Variants in LGSN observed in about 807,000 individuals in gnomAD.
LGSN encodes the protein lengsin.
A neutral mutation model predicts 19.5 loss-of-function variants in LGSN; 21 were observed. The observed-to-expected ratio is 1.07, with a 90% CI of 0.76 to 1.55. LGSN has a LOEUF of 1.55. Ranked by LOEUF, LGSN falls within the 40% of genes most tolerant of loss-of-function variation. The pLI is 0.00. For synonymous variants in LGSN, 257 were observed against 215.6 expected, an observed-to-expected ratio of 1.19 and a Z score of -1.68; for missense variants, 673 against 608.5, an observed-to-expected ratio of 1.11 and a Z score of -1.12.
At chr6:63,565,329 G>C in the LGSN span, among the ~76,000 whole-genome samples, 4 of 151,920 alleles carry the variant, frequency 2.6e-5, no homozygotes, top group African/African-American at 9.7e-5. Flanking sequence ...TTGATTTGGA[G>C]ACTACCTAGA....
the LGSN span, among the ~76,000 whole-genome samples, chr6:63,450,904 G>C: frequency 1.2e-4 from 18 of 152,020 alleles, no homozygotes; most frequent in Non-Finnish European, 1.5e-4. Flanking sequence ...GAATTCCTGA[G>C]CTCAGACAAT....
the LGSN span, among the ~76,000 whole-genome samples, chr6:63,342,664 A>C: frequency 6.6e-6 from 1 of 152,266 alleles, no homozygotes; most frequent in Non-Finnish European, 1.5e-5. Flanking sequence ...TCTCACTAAA[A>C]GCACTGAAGT....
chr6:63,376,787 C>T, the LGSN span, among the ~76,000 whole-genome samples: 1 of 152,148 alleles, frequency 6.6e-6, no homozygotes, highest in African/African-American at 2.4e-5. Flanking sequence ...AGTTTGCTAG[C>T]TAAAACAAGA....
chr6:63,452,380 C>T, the LGSN span, among the ~76,000 whole-genome samples: 2 of 152,062 alleles, frequency 1.3e-5, no homozygotes, highest in Non-Finnish European at 2.9e-5. Context: ...TCTGGAGTTG[C>T]TGGGATTACA....
At chr6:63,409,113 T>C in the LGSN span, among the ~76,000 whole-genome samples, 3 of 152,172 alleles carry the variant, frequency 2.0e-5, no homozygotes, top group African/African-American at 7.2e-5. Context: ...GATCATGCTG[T>C]GTTAACCATG....
chr6:63,386,832 C>A, the LGSN span, among the ~76,000 whole-genome samples: 1 of 152,152 alleles, frequency 6.6e-6, no homozygotes, highest in African/African-American at 2.4e-5. Flanking sequence ...GGCATGGTGA[C>A]TCATGCCTGT....
intron 1 of LGSN, among the ~76,000 whole-genome samples, chr6:63,301,431 C>T (rs1768181250): frequency 6.6e-6 from 1 of 151,714 alleles, no homozygotes; most frequent in South Asian, 2.1e-4. Context: ...TTTAAAGGTT[C>T]TTTCAAAATG....
chr6:63,443,086 C>G, the LGSN span, among the ~76,000 whole-genome samples: 2 of 152,200 alleles, frequency 1.3e-5, no homozygotes, highest in Non-Finnish European at 2.9e-5. Flanking sequence ...TGAGCCCTGC[C>G]CCATGGGGAG....
the LGSN span, among the ~76,000 whole-genome samples, chr6:63,380,507 G>C: frequency 6.6e-6 from 1 of 152,090 alleles, no homozygotes; most frequent in Non-Finnish European, 1.5e-5. Flanking sequence ...ACCAACTTAA[G>C]TCTGCTGTTT....
the LGSN span, among the ~76,000 whole-genome samples, chr6:63,399,386 C>T: frequency 6.7e-6 from 1 of 149,970 alleles, no homozygotes; most frequent in African/African-American, 2.5e-5. Flanking sequence ...AAACACACAA[C>T]AGTACTAATT....
At chr6:63,427,827 C>A in the LGSN span, among the ~76,000 whole-genome samples, 1 of 152,102 alleles carries the variant, frequency 6.6e-6, no homozygotes, top group African/African-American at 2.4e-5. Flanking sequence ...CAAAACTCTG[C>A]TCACATCTAA....
chr6:63,509,010 A>C, the LGSN span, among the ~76,000 whole-genome samples: 3 of 151,364 alleles, frequency 2.0e-5, no homozygotes, highest in Non-Finnish European at 4.4e-5. Context: ...TTATTTATAT[A>C]GTTTATTTGT....
At chr6:63,281,772 C>T (rs531171052) in intron 3 of LGSN, among the ~76,000 whole-genome samples, 98 of 152,154 alleles carry the variant, frequency 6.4e-4, no homozygotes, top group Non-Finnish European at 1.2e-3. Flanking sequence ...GGAGCCAGGA[C>T]GCTGACAGCT....
chr6:63,288,241 A>G (rs1232129280), intron 2 of LGSN, among the ~76,000 whole-genome samples: 1 of 135,378 alleles, frequency 7.4e-6, no homozygotes, highest in African/African-American at 2.5e-5. Flanking sequence ...AAATAAATAA[A>G]TAAATAAATA....
At chr6:63,442,330 G>C in the LGSN span, among the ~76,000 whole-genome samples, 1 of 152,158 alleles carries the variant, frequency 6.6e-6, no homozygotes, top group African/African-American at 2.4e-5. Context: ...CAGCACAAAA[G>C]GGGACCTGAC....
chr6:63,399,867 T>A, the LGSN span, among the ~76,000 whole-genome samples: 2 of 152,074 alleles, frequency 1.3e-5, no homozygotes, highest in African/African-American at 2.4e-5. Flanking sequence ...AGCTATTTTT[T>A]TTTATTTATT....
At chr6:63,363,686 A>C in the LGSN span, among the ~76,000 whole-genome samples, 34 of 152,326 alleles carry the variant, frequency 2.2e-4, no homozygotes, top group African/African-American at 7.9e-4. Flanking sequence ...GCCTCCAAGA[A>C]ATATGGGACT....
rs1767698488 is a variant in LGSN at position 63,289,916 on chromosome 6, A to G, written c.164-4163T>C. On this transcript the variant is annotated intron_variant, in intron 2 of 3. Transcript: ENST00000370657. ...CTTTCATCATTGTGGCTATGGTGAG[A>G]GCCACCCTGTTTGTGCTACCTTCTG... 3.3e-5 allele frequency among the ~76,000 whole-genome samples: 5 copies of G among 152,302 alleles called. No homozygotes were observed. The South Asian group carries it at 1.0e-3, about 32-fold the overall frequency.
the LGSN span, among the ~76,000 whole-genome samples, chr6:63,531,999 C>T: frequency 6.6e-6 from 1 of 152,112 alleles, no homozygotes; most frequent in Non-Finnish European, 1.5e-5. Context: ...CGGGGTTTCA[C>T]CATCTTGGTG....
Sources: gnomAD v4.1 joint callset for allele counts (sites outside exome capture counted in the v4.1 genomes callset) on GRCh38, gnomAD v4.1.1 for gene constraint, MANE v1.5 for transcripts, NCBI Gene and HGNC (gene_info 2026-07-23, HGNC 2026-07-21) for gene names.